Variants in MCTP1 observed in about 807,000 individuals in gnomAD.
The protein encoded by MCTP1 is multiple C2 and transmembrane domain-containing protein 1.
MCTP1 carries 69 observed loss-of-function variants against 120.6 expected under a neutral mutation model. That is an observed-to-expected ratio of 0.57 (90% confidence interval 0.47 to 0.70). The LOEUF (loss-of-function observed/expected upper bound fraction) is 0.70, where lower values mean the gene tolerates loss of function less well. Among genes scored for constraint, MCTP1 ranks in the 30% least tolerant of loss-of-function variants. The pLI, the probability that MCTP1 is intolerant of heterozygous loss-of-function variation, is 0.00. For missense variants in MCTP1, 1,203 were observed against 1,248.8 expected, an observed-to-expected ratio of 0.96 and a Z score of 0.55; for synonymous variants, 529 against 493.1, an observed-to-expected ratio of 1.07 and a Z score of -0.96.
At chr5:94,982,001 G>A (rs1243821795) in intron 2 of MCTP1, among the ~76,000 whole-genome samples, 3 of 152,054 alleles carry the variant, frequency 2.0e-5, no homozygotes, top group Non-Finnish European at 4.4e-5. Context: ...CTTTGATCAG[G>A]GAATATACCT....
chr5:95,047,120 A>G (rs1363388253), intron 1 of MCTP1, among the ~76,000 whole-genome samples: 1 of 152,196 alleles, frequency 6.6e-6, no homozygotes, highest in African/African-American at 2.4e-5. Context: ...TTCTTGTATC[A>G]TAACAGGCCT....
intron 1 of MCTP1, among the ~76,000 whole-genome samples, chr5:95,059,805 A>G (rs1428592654): frequency 6.6e-6 from 1 of 152,162 alleles, no homozygotes; most frequent in African/African-American, 2.4e-5. Context: ...CATAAGTAGG[A>G]TACTTTCTAT....
chr5:95,074,186 G>A (rs781237726), intron 1 of MCTP1, among the ~76,000 whole-genome samples: 30 of 152,246 alleles, frequency 2.0e-4, no homozygotes, highest in Non-Finnish European at 4.1e-4. Context: ...TCTCTCAGGC[G>A]TAGGCCTGGG....
intron 7 of MCTP1, among the ~76,000 whole-genome samples, chr5:94,918,215 GC>G (rs1354531894): frequency 1.3e-5 from 2 of 152,168 alleles, no homozygotes; most frequent in African/African-American, 4.8e-5. Flanking sequence ...AGGAAATGAA[GC>G]CCAGAGATTA....
At chr5:95,062,326 G>T (rs1399074174) in intron 1 of MCTP1, among the ~76,000 whole-genome samples, 1 of 152,116 alleles carries the variant, frequency 6.6e-6, no homozygotes, top group African/African-American at 2.4e-5. Flanking sequence ...TAGATGCTGG[G>T]AAAACCCATC....
intron 19 of MCTP1, among the ~76,000 whole-genome samples, chr5:94,761,684 A>G (rs773588081): frequency 3.9e-4 from 60 of 152,296 alleles, no homozygotes; most frequent in Non-Finnish European, 2.2e-4. Context: ...TTTATTTTCT[A>G]CAGATGGCCA....
At chr5:95,112,574 ATTTAT>A (rs2152391089) in intron 1 of MCTP1, among the ~76,000 whole-genome samples, 1 of 152,316 alleles carries the variant, frequency 6.6e-6, no homozygotes, top group South Asian at 2.1e-4. Context: ...TCTAATAATC[ATTTAT>A]TTTAAGAAAT....
chr5:95,061,229 A>T, intron 1 of MCTP1, among the ~76,000 whole-genome samples: 1 of 151,706 alleles, frequency 6.6e-6, no homozygotes. Context: ...CCAAATAAAC[A>T]CACAGAGGGA....
chr5:94,800,782 TAATA>T (rs1456407774), intron 17 of MCTP1, among the ~76,000 whole-genome samples: 1 of 152,084 alleles, frequency 6.6e-6, no homozygotes, highest in African/African-American at 2.4e-5. Context: ...AAAGCATAAA[TAATA>T]GTTAAATAAG....
intron 1 of MCTP1, among the ~76,000 whole-genome samples, chr5:95,163,795 T>C (rs1746014333): frequency 6.6e-6 from 1 of 152,202 alleles, no homozygotes; most frequent in African/African-American, 2.4e-5. Context: ...TCTTGGGACA[T>C]ATTTGTAACT....
At chr5:94,970,457 T>C (rs928750980) in intron 2 of MCTP1, among the ~76,000 whole-genome samples, 4 of 152,060 alleles carry the variant, frequency 2.6e-5, no homozygotes, top group African/African-American at 9.7e-5. Context: ...TTCTGATAAC[T>C]TCTGGAAGTT....
intron 4 of MCTP1, among the ~76,000 whole-genome samples, chr5:94,942,131 A>G (rs1000456962): frequency 6.6e-6 from 1 of 152,072 alleles, no homozygotes; most frequent in Non-Finnish European, 1.5e-5. Context: ...TAGGTATCCA[A>G]GAAGTTTTCG....
At chr5:95,108,085 A>G (rs567685984) in intron 1 of MCTP1, among the ~76,000 whole-genome samples, 4 of 152,330 alleles carry the variant, frequency 2.6e-5, no homozygotes, top group African/African-American at 9.6e-5. Context: ...CAATTTTAGT[A>G]TGGATTACAG....
intron 1 of MCTP1, among the ~76,000 whole-genome samples, chr5:95,260,807 A>G (rs1758409615): frequency 6.6e-6 from 1 of 152,158 alleles, no homozygotes; most frequent in Admixed American, 6.5e-5. Flanking sequence ...ACAAATGACC[A>G]GGTAATAACC....
chr5:94,921,638 A>G (rs1811691325), intron 7 of MCTP1, among the ~76,000 whole-genome samples: 2 of 152,178 alleles, frequency 1.3e-5, no homozygotes, highest in South Asian at 4.1e-4. Context: ...TTGGGTAAAG[A>G]GCAGTGAGGT....
At chr5:94,806,066 G>C (rs917809828) in intron 17 of MCTP1, among the ~76,000 whole-genome samples, 8 of 151,750 alleles carry the variant, frequency 5.3e-5, no homozygotes, top group African/African-American at 1.9e-4. Context: ...ATGGCAAAGA[G>C]GTCAAAAACT....
At chr5:95,153,727 C>T (rs1420433358) in intron 1 of MCTP1, among the ~76,000 whole-genome samples, 1 of 152,128 alleles carries the variant, frequency 6.6e-6, no homozygotes, top group Non-Finnish European at 1.5e-5. Context: ...GTGCTGTCTC[C>T]GAGGAGTGAT....
intron 1 of MCTP1, among the ~76,000 whole-genome samples, chr5:95,085,180 TTTACCTATCCCA>T (rs746992111): frequency 1.3e-5 from 2 of 152,192 alleles, no homozygotes; most frequent in Admixed American, 6.5e-5. Context: ...TCCATATGTC[TTTACCTATCCCA>T]TTACCTATCC....
rs146208930 is a variant in MCTP1 at position 94,952,086 on chromosome 5, G to A, written c.981+1133C>T. Among the ~76,000 whole-genome samples the A allele has an allele frequency of 2.4e-3, 354 of 146,480 alleles. 1 individual carries two copies. The highest frequency in any genetic ancestry group is 3.1e-3 in the Non-Finnish European group (211 of 67,346). On this transcript the variant is annotated intron_variant, in intron 3 of 22. Coordinates refer to ENST00000515393, the MANE Select transcript of MCTP1 (RefSeq NM_024717.7). ...ACTGAGGAGGCTGAGGCAAGGGAAT[G>A]GCTTGAAACCAAGAGATGAACGTTG...
Sources: gnomAD v4.1 joint callset for allele counts (sites outside exome capture counted in the v4.1 genomes callset) on GRCh38, gnomAD v4.1.1 for gene constraint, MANE v1.5 for transcripts, NCBI Gene and HGNC (gene_info 2026-07-23, HGNC 2026-07-21) for gene names.